The following EPHA5 variants were observed in gnomAD, a reference collection of about 807,000 sequenced individuals.
The protein encoded by EPHA5 is ephrin type-A receptor 5.
A neutral mutation model predicts 105.0 loss-of-function variants in EPHA5; 60 were observed. That is an observed-to-expected ratio of 0.57 (90% CI 0.46 to 0.71). The LOEUF is 0.71. Ranked by LOEUF, EPHA5 falls within the 30% of genes least tolerant of loss-of-function variation. The pLI, the probability that EPHA5 is intolerant of heterozygous loss-of-function variation, is 0.00. For synonymous variants in EPHA5, 513 were observed against 449.1 expected (o/e 1.14, Z -1.80); for missense variants, 1,218 against 1,274.7 (o/e 0.96, Z 0.68).
intron 3 of EPHA5, among the ~76,000 whole-genome samples, chr4:65,522,147 A>G (rs1734794567): frequency 6.6e-6 from 1 of 151,800 alleles, no homozygotes; most frequent in South Asian, 2.1e-4. Flanking sequence ...CTGTCCTGTC[A>G]TGGCCTGTAT....
intron 3 of EPHA5, among the ~76,000 whole-genome samples, chr4:65,546,388 G>A (rs1389199940): frequency 6.6e-6 from 1 of 151,934 alleles, no homozygotes; most frequent in Non-Finnish European, 1.5e-5. Context: ...TAATATTTGA[G>A]AGTTGTTAAA....
At chr4:65,554,466 A>G (rs1222859952) in intron 3 of EPHA5, among the ~76,000 whole-genome samples, 1 of 151,316 alleles carries the variant, frequency 6.6e-6, no homozygotes, top group Non-Finnish European at 1.5e-5. Flanking sequence ...AATGTGCTAC[A>G]GTAGTTACAA....
chr4:65,444,163 A>G (rs1191753368), intron 5 of EPHA5, among the ~76,000 whole-genome samples: 1 of 152,204 alleles, frequency 6.6e-6, no homozygotes, highest in Non-Finnish European at 1.5e-5. Flanking sequence ...AATAGTGCAA[A>G]TGTGAACTTA....
chr4:65,582,369 G>A (rs1188870427), intron 3 of EPHA5, among the ~76,000 whole-genome samples: 1 of 151,110 alleles, frequency 6.6e-6, no homozygotes, highest in Non-Finnish European at 1.5e-5. Flanking sequence ...CTGTGCATCA[G>A]ATAAGCAAAG....
intron 5 of EPHA5, among the ~76,000 whole-genome samples, chr4:65,461,178 C>T (rs1297835800): frequency 6.6e-6 from 1 of 151,864 alleles, no homozygotes; most frequent in Non-Finnish European, 1.5e-5. Context: ...AAATGTACAC[C>T]TAGCAACCAA....
At chr4:65,476,099 TGAGAGAGA>T (rs35934629) in intron 5 of EPHA5, among the ~76,000 whole-genome samples, 68 of 138,228 alleles carry the variant, frequency 4.9e-4, no homozygotes, top group Admixed American at 4.4e-3. Context: ...TCAAAATCAC[TGAGAGAGA>T]GAGAGAGAGA....
chr4:65,376,563 A>C (rs1321358065), intron 8 of EPHA5, among the ~76,000 whole-genome samples: 1 of 152,028 alleles, frequency 6.6e-6, no homozygotes, highest in Admixed American at 6.6e-5. Context: ...ACGTGTATTC[A>C]CAATGATATG....
intron 5 of EPHA5, among the ~76,000 whole-genome samples, chr4:65,455,864 G>A (rs1727533053): frequency 6.6e-6 from 1 of 152,062 alleles, no homozygotes; most frequent in Non-Finnish European, 1.5e-5. Flanking sequence ...AAATTCTGAA[G>A]AGTTATTAAC....
intron 5 of EPHA5, among the ~76,000 whole-genome samples, chr4:65,431,727 G>C (rs1422835254): frequency 6.6e-6 from 1 of 152,120 alleles, no homozygotes; most frequent in African/African-American, 2.4e-5. Context: ...AAAATAAATA[G>C]TTTGGGAAAA....
At chr4:65,528,568 G>C (rs1252877641) in intron 3 of EPHA5, among the ~76,000 whole-genome samples, 1 of 152,018 alleles carries the variant, frequency 6.6e-6, no homozygotes, top group South Asian at 2.1e-4. Flanking sequence ...TTTAATTCAC[G>C]AATTTCCAAG....
At chr4:65,418,731 C>T (rs1462640393) in intron 6 of EPHA5, among the ~76,000 whole-genome samples, 1 of 152,008 alleles carries the variant, frequency 6.6e-6, no homozygotes, top group Middle Eastern at 3.4e-3. Flanking sequence ...CTTTCTCCAT[C>T]CCTCCCCATT....
chr4:65,633,364 A>G (rs1056549597), intron 2 of EPHA5, among the ~76,000 whole-genome samples: 4 of 142,808 alleles, frequency 2.8e-5, no homozygotes, highest in Non-Finnish European at 4.8e-5. Flanking sequence ...CTGAAGGATG[A>G]TAGGAAAAAA....
At chr4:65,591,336 C>T (rs992432851) in intron 3 of EPHA5, among the ~76,000 whole-genome samples, 1 of 151,798 alleles carries the variant, frequency 6.6e-6, no homozygotes, top group African/African-American at 2.4e-5. Flanking sequence ...CCTCTAAATT[C>T]ATGCCTTTTT....
intron 4 of EPHA5, among the ~76,000 whole-genome samples, chr4:65,491,270 A>G (rs901158600): frequency 6.6e-6 from 1 of 151,984 alleles, no homozygotes; most frequent in Non-Finnish European, 1.5e-5. Context: ...CCTACTGTAT[A>G]TCAAAAAAGC....
intron 3 of EPHA5, among the ~76,000 whole-genome samples, chr4:65,536,882 A>G (rs6838360): frequency 0.87 from 132,499 of 151,786 alleles, 57,962 homozygotes; most frequent in Admixed American, 0.9. Context: ...AATTAATGAA[A>G]TTTGTTTTTA....
chr4:65,630,507 A>T (rs189905232), intron 2 of EPHA5, among the ~76,000 whole-genome samples: 2 of 152,298 alleles, frequency 1.3e-5, no homozygotes, highest in East Asian at 3.9e-4. Flanking sequence ...GTATGCCAAC[A>T]TATAAAATGC....
chr4:65,565,595 A>G (rs1318136585), intron 3 of EPHA5, among the ~76,000 whole-genome samples: 3 of 151,654 alleles, frequency 2.0e-5, no homozygotes, highest in Admixed American at 1.3e-4. Context: ...CCTTGTTTTC[A>G]TAAACAATAC....
chr4:65,627,584 G>A (rs1035319377), intron 2 of EPHA5, among the ~76,000 whole-genome samples: 2 of 152,070 alleles, frequency 1.3e-5, no homozygotes, highest in African/African-American at 4.8e-5. Context: ...GCACTTGATG[G>A]AATGTGTAGT....
At chr4:65,573,551 C>A in intron 3 of EPHA5, 2 of 1,598,040 alleles carry the variant, frequency 1.3e-6, no homozygotes, top group African/African-American at 1.3e-5. Context: ...AAAAGGGTAA[C>A]CTCAAAGCTA....
Sources: allele counts gnomAD v4.1 joint callset (sites outside exome capture counted in the v4.1 genomes callset), GRCh38; gene constraint gnomAD v4.1.1; transcripts MANE v1.5; gene names NCBI Gene and HGNC (gene_info 2026-07-23, HGNC 2026-07-21).